MSTO1: variants seen among roughly 807,000 people sequenced by gnomAD.
MSTO1 encodes the protein protein misato homolog 1.
A neutral mutation model predicts 55.7 loss-of-function variants in MSTO1; 24 were observed. That is an observed-to-expected ratio of 0.43 (90% CI 0.31 to 0.61). MSTO1 has a LOEUF of 0.61. Among genes scored for constraint, MSTO1 ranks in the 20% least tolerant of loss-of-function variants. The pLI is 0.09. For missense variants in MSTO1, 363 were observed against 625.7 expected (o/e 0.58, Z 4.48); for synonymous variants, 162 against 252.8 (o/e 0.64, Z 3.41).
the MSTO1 span, among the ~76,000 whole-genome samples, chr1:155,580,647 G>C: frequency 5.9e-5 from 9 of 152,028 alleles, no homozygotes; most frequent in Non-Finnish European, 8.8e-5. Context: ...GGCCAGGTGC[G>C]GTGGCTCACG....
the MSTO1 span, among the ~76,000 whole-genome samples, chr1:155,581,817 G>A: frequency 1.4e-5 from 2 of 147,668 alleles, no homozygotes; most frequent in African/African-American, 5.0e-5. Context: ...TTTTTGAGAT[G>A]TAGTCTTGCT....
chr1:155,565,580 A>G, the MSTO1 span, among the ~76,000 whole-genome samples: 1 of 152,214 alleles, frequency 6.6e-6, no homozygotes, highest in Admixed American at 6.6e-5. Context: ...TCTTCAAAGT[A>G]AAATTTCTCA....
At chr1:155,609,505 C>T (rs956570046), upstream of MSTO1, among the ~76,000 whole-genome samples, 2 of 152,020 alleles carry the variant, frequency 1.3e-5, no homozygotes, top group African/African-American at 4.8e-5. Flanking sequence ...GCCTCAGCCT[C>T]CCAAAGTGCT....
the MSTO1 span, chr1:155,563,269 G>T: frequency 1.3e-4 from 60 of 456,444 alleles, no homozygotes; most frequent in African/African-American, 1.1e-3. Context: ...CGCTGCTGTG[G>T]AGCTGGTCGC....
chr1:155,609,707 G>C (rs1048356293), upstream of MSTO1: 1 of 157,104 alleles, frequency 6.4e-6, no homozygotes, highest in Non-Finnish European at 1.4e-5. Flanking sequence ...TAAGGTGTTA[G>C]ATACACAGAG....
chr1:155,574,900 T>G, the MSTO1 span, among the ~76,000 whole-genome samples: 7 of 146,992 alleles, frequency 4.8e-5, no homozygotes, highest in Admixed American at 2.1e-4. Context: ...AGACGGAGTC[T>G]CCTGTTGCCA....
the MSTO1 span, among the ~76,000 whole-genome samples, chr1:155,569,526 C>G: frequency 6.6e-6 from 1 of 150,998 alleles, no homozygotes; most frequent in Non-Finnish European, 1.5e-5. Flanking sequence ...CAACCTCCCC[C>G]TCCCGGGTTC....
the MSTO1 span, among the ~76,000 whole-genome samples, chr1:155,573,130 A>G: frequency 6.6e-6 from 1 of 152,204 alleles, no homozygotes; most frequent in Non-Finnish European, 1.5e-5. Context: ...TCCCTTAACC[A>G]TGGACATACA....
Position 155,614,319 on chromosome 1 carries a change from T to C in MSTO1, c.*46T>C, listed in dbSNP as rs995298501. 8.6e-6 allele frequency: 5 copies of C among 581,496 alleles called. No individual in the cohort carries two copies. The highest frequency in any genetic ancestry group is 3.1e-5 in the Admixed American group (1 of 32,368). 36.0% of individuals were successfully genotyped at this position (581,496 alleles called of 1,614,324 possible). ...GGAGCTAGTTTGCAATAAAAACAGC[T>C]GGATGCAGGAGCCCAGTGTCTTCAT... On this transcript the variant is annotated 3_prime_UTR_variant, in exon 14 of 14. Coordinates refer to ENST00000245564, the MANE Select transcript of MSTO1 (RefSeq NM_018116.4).
chr1:155,583,788 C>T, the MSTO1 span, among the ~76,000 whole-genome samples: 1 of 152,160 alleles, frequency 6.6e-6, no homozygotes, highest in East Asian at 1.9e-4. Flanking sequence ...TCACACACTC[C>T]TTCCTCTCCA....
the MSTO1 span, among the ~76,000 whole-genome samples, chr1:155,602,506 AAAC>A: frequency 4.6e-5 from 7 of 152,084 alleles, no homozygotes; most frequent in Non-Finnish European, 8.8e-5. Context: ...CAACAACAAC[AAAC>A]AACAAATGAG....
At chr1:155,571,664 T>A in the MSTO1 span, among the ~76,000 whole-genome samples, 12 of 152,188 alleles carry the variant, frequency 7.9e-5, no homozygotes, top group African/African-American at 2.9e-4. Context: ...GCTCTAGGAA[T>A]CCAAACCTGG....
At chr1:155,564,341 A>G in the MSTO1 span, among the ~76,000 whole-genome samples, 2,325 of 152,294 alleles carry the variant, frequency 0.015, 65 homozygotes, top group African/African-American at 0.054. Context: ...TAAAAATACA[A>G]AAATTAGCCA....
upstream of MSTO1, among the ~76,000 whole-genome samples, chr1:155,608,530 G>T (rs1452112417): frequency 3.5e-4 from 48 of 136,044 alleles, no homozygotes; most frequent in African/African-American, 1.3e-3. Flanking sequence ...GATGGAGTCT[G>T]GCTCTGTTGC....
At chr1:155,599,974 A>G in the MSTO1 span, among the ~76,000 whole-genome samples, 1 of 152,162 alleles carries the variant, frequency 6.6e-6, no homozygotes, top group Non-Finnish European at 1.5e-5. Context: ...CGGGTTTTAT[A>G]CCGAGACATT....
chr1:155,613,329 T>TC (rs1443426227), intron 11 of MSTO1, 96 bp downstream of exon 11: 39 of 1,571,492 alleles, frequency 2.5e-5, no homozygotes, highest in Middle Eastern at 3.4e-4. Flanking sequence ...TACTGTTCCC[T>TC]CCCCACCCCT....
the MSTO1 span, among the ~76,000 whole-genome samples, chr1:155,581,989 C>G: frequency 1.4e-5 from 2 of 145,556 alleles, no homozygotes; most frequent in Non-Finnish European, 1.5e-5. Context: ...GAATTTCGCT[C>G]TTGTTGCCCA....
the MSTO1 span, among the ~76,000 whole-genome samples, chr1:155,600,787 C>T: frequency 6.6e-6 from 1 of 152,266 alleles, no homozygotes; most frequent in South Asian, 2.1e-4. Context: ...TGCCATTCTC[C>T]TGCCTCAGCC....
Position 155,614,882 on chromosome 1 carries a change from G to A in MSTO1, c.*609G>A. ...AAATGGTGGGAAACCTAAGAAAGGA[G>A]GAGGGCTGTATTCACTGATCCTTAG... On this transcript the variant is annotated 3_prime_UTR_variant, in exon 14 of 14. Transcript: ENST00000245564. 1 of 1,542,294 alleles carries A rather than the reference G, an allele frequency of 6.5e-7. No individual in the cohort carries two copies. Among genetic ancestry groups the A allele is most frequent in the Non-Finnish European group, 8.8e-7 (1 of 1,134,350 alleles).
Sources: allele counts gnomAD v4.1 joint callset (sites outside exome capture counted in the v4.1 genomes callset), GRCh38; gene constraint gnomAD v4.1.1; transcripts MANE v1.5; gene names NCBI Gene and HGNC (gene_info 2026-07-23, HGNC 2026-07-21).